The following ALDH9A1 variants were observed in gnomAD, a reference collection of about 807,000 sequenced individuals.
ALDH9A1 encodes the protein 4-trimethylaminobutyraldehyde dehydrogenase.
Under a neutral mutation model 56.6 loss-of-function variants are expected in ALDH9A1, and 42 were observed. The ratio of observed to expected loss-of-function variants is 0.74; its 90% confidence interval spans 0.58 to 0.96. ALDH9A1 has a LOEUF of 0.96. Among genes scored for constraint, ALDH9A1 ranks in the 40% least tolerant of loss-of-function variants. The probability of loss-of-function intolerance (pLI) is 0.00; values close to 1 mark genes in which losing one functional copy is unlikely to be tolerated. For synonymous variants in ALDH9A1, 242 were observed against 236.0 expected (o/e 1.03, Z -0.23); for missense variants, 661 against 651.5 (o/e 1.01, Z -0.16).
In ALDH9A1 at chr1:165,680,539, T is replaced by G. The variant is rs1649515599; in HGVS notation, c.737A>C (p.His246Pro). The G allele has an allele frequency of 6.2e-7, 1 of 1,614,086 alleles. No individual in the cohort carries two copies. Among genetic ancestry groups the G allele is most frequent in the African/African-American group, 1.3e-5 (1 of 74,936 alleles). ...GAAGGAGACTTTGGCCACATCGGGA[T>G]GCTGACACAGAAACTGGCCTGTGGC... is the stretch of plus-strand genomic sequence containing the variant. ...GAATGQFLCQHPDVAKVSFTG... is the reference protein window; with the variant it reads ...GAATGQFLCQPPDVAKVSFTG... Residue 246 changes from histidine (H) to proline (P), a missense_variant, in exon 5 of 11, where the codon CAT becomes CCT. By Grantham distance (77) the His-to-Pro change is moderately conservative. Transcript: ENST00000354775.
chr1:165,693,954 C>G (rs1252736251), intron 2 of ALDH9A1, among the ~76,000 whole-genome samples: 7 of 151,202 alleles, frequency 4.6e-5, no homozygotes, highest in Admixed American at 3.3e-4. Flanking sequence ...TCTGAGCAAA[C>G]TATCACAAGG....
At chr1:165,678,012 G>T (rs867912743) in intron 6 of ALDH9A1, among the ~76,000 whole-genome samples, 2 of 152,050 alleles carry the variant, frequency 1.3e-5, no homozygotes, top group South Asian at 4.1e-4. Context: ...TCCAGCCTGG[G>T]TGACAGAGTG....
At chr1:165,692,400 A>G (rs1462724115) in intron 2 of ALDH9A1, among the ~76,000 whole-genome samples, 1 of 152,244 alleles carries the variant, frequency 6.6e-6, no homozygotes, top group Non-Finnish European at 1.5e-5. Flanking sequence ...AAAAATCACA[A>G]GCATTCCTAT....
chr1:165,672,102 C>A (rs981186448), intron 6 of ALDH9A1, among the ~76,000 whole-genome samples: 2 of 152,206 alleles, frequency 1.3e-5, no homozygotes, highest in Non-Finnish European at 2.9e-5. Context: ...TCCACTTATT[C>A]CACTTCTGGA....
rs536147760 is a variant in ALDH9A1, at chr1:165,670,061, A to T, written c.931-611T>A. Among the ~76,000 whole-genome samples the T allele has an allele frequency of 2.6e-5, 4 of 152,376 alleles. No individual in the cohort carries two copies. The South Asian group carries it at 8.3e-4, about 32-fold the overall frequency. On this transcript the variant is annotated intron_variant, in intron 6 of 10. Coordinates refer to ENST00000354775, the MANE Select transcript of ALDH9A1 (RefSeq NM_000696.4). ...AATGGTGCTAGAACAAATCATCAGTAATGTGGAAAACATAAAATAAGATAC... is the reference window on the plus strand; with the variant it reads ...AATGGTGCTAGAACAAATCATCAGTTATGTGGAAAACATAAAATAAGATAC...
At chr1:165,689,626 C>A (rs1247377124) in intron 2 of ALDH9A1, among the ~76,000 whole-genome samples, 1 of 152,150 alleles carries the variant, frequency 6.6e-6, no homozygotes, top group East Asian at 1.9e-4. Flanking sequence ...ACCGTGGTGA[C>A]CGGTGCTTTG....
chr1:165,664,410 T>C (rs868293941), intron 10 of ALDH9A1, among the ~76,000 whole-genome samples: 13 of 152,356 alleles, frequency 8.5e-5, no homozygotes, highest in Middle Eastern at 6.8e-3. Context: ...TCTCCTGATA[T>C]ACCAGACTTA....
rs140951994 is a variant in ALDH9A1 at position 165,681,340 on chromosome 1, C to T, written c.593-657G>A. Among the ~76,000 whole-genome samples, 3 of 152,280 alleles carry T rather than the reference C, an allele frequency of 2.0e-5. 1 individual carries two copies. Among genetic ancestry groups the T allele is most frequent in the South Asian group, 4.1e-4 (2 of 4,822 alleles). On this transcript the variant is annotated intron_variant, in intron 4 of 10. Coordinates refer to ENST00000354775, the MANE Select transcript of ALDH9A1 (RefSeq NM_000696.4). ...AGTATGAAGTAGGTATCATTAGCTC[C>T]ATTTTATAAAAGTTGACATTGAAGA...
chr1:165,696,346 A>C (rs1650083421), intron 1 of ALDH9A1, among the ~76,000 whole-genome samples: 1 of 152,208 alleles, frequency 6.6e-6, no homozygotes, highest in South Asian at 2.1e-4. Context: ...TACTAACATT[A>C]ACTTCTGATT....
intron 3 of ALDH9A1, among the ~76,000 whole-genome samples, chr1:165,682,532 A>G (rs1571177564): frequency 6.6e-6 from 1 of 152,338 alleles, no homozygotes; most frequent in South Asian, 2.1e-4. Context: ...CTTAGATGAA[A>G]CAAAATGGAA....
At chr1:165,686,647 G>A (rs1024433328) in intron 2 of ALDH9A1, among the ~76,000 whole-genome samples, 1 of 151,986 alleles carries the variant, frequency 6.6e-6, no homozygotes, top group African/African-American at 2.4e-5. Context: ...ATAACATGGC[G>A]AAATTTGCTG....
rs1236855357 is a variant in ALDH9A1, at chr1:165,669,749, C to T, written c.931-299G>A. On this transcript the variant is annotated intron_variant, in intron 6 of 10. Transcript: ENST00000354775. ...CATATAACCCACAGCACCTCTCCTA[C>T]TTCCTCATATCAGGGCTCAATCTGG... Among the ~76,000 whole-genome samples, 16 of 152,152 alleles carry T rather than the reference C, an allele frequency of 1.1e-4. No individual in the cohort carries two copies. In the South Asian group the frequency reaches 1.5e-3, roughly 14 times the overall value.
chr1:165,690,399 T>C (rs1649851007), intron 2 of ALDH9A1, among the ~76,000 whole-genome samples: 2 of 152,080 alleles, frequency 1.3e-5, no homozygotes, highest in Admixed American at 1.3e-4. Context: ...AATGAACATC[T>C]GGTACTTCTG....
intron 6 of ALDH9A1, among the ~76,000 whole-genome samples, chr1:165,677,112 C>T (rs1197654821): frequency 6.6e-6 from 1 of 152,186 alleles, no homozygotes; most frequent in Non-Finnish European, 1.5e-5. Flanking sequence ...GTGGCACATG[C>T]CTGCAATCCC....
At chr1:165,697,134 T>G (rs1035895140) in intron 1 of ALDH9A1, among the ~76,000 whole-genome samples, 7 of 152,208 alleles carry the variant, frequency 4.6e-5, no homozygotes, top group African/African-American at 1.4e-4. Context: ...AAAAGCCCCT[T>G]CTTCCTTATC....
chr1:165,670,727 G>T (rs1198577397), intron 6 of ALDH9A1, among the ~76,000 whole-genome samples: 2 of 152,104 alleles, frequency 1.3e-5, no homozygotes, highest in African/African-American at 4.8e-5. Context: ...TACCAAAAAT[G>T]TGAATTTTAT....
intron 8 of ALDH9A1, among the ~76,000 whole-genome samples, chr1:165,668,045 G>T (rs187060893): frequency 4.6e-5 from 7 of 152,296 alleles, no homozygotes; most frequent in Admixed American, 1.3e-4. Context: ...AAGTAGATGG[G>T]TGGGAGTAGG....
intron 2 of ALDH9A1, 23 bp downstream of exon 2, chr1:165,695,227 TGG>T (rs747358913): frequency 6.3e-7 from 1 of 1,578,566 alleles, no homozygotes; most frequent in South Asian, 1.2e-5. Flanking sequence ...GTCTGAGTTC[TGG>T]AAGGAAATAA....
intron 6 of ALDH9A1, among the ~76,000 whole-genome samples, chr1:165,675,261 CTCTA>C (rs1050528127): frequency 1.6e-4 from 24 of 151,418 alleles, no homozygotes; most frequent in African/African-American, 4.6e-4. Context: ...CTCTCTCTCT[CTCTA>C]TATATATATA....
Sources: gnomAD v4.1 joint callset for allele counts (sites outside exome capture counted in the v4.1 genomes callset) on GRCh38, gnomAD v4.1.1 for gene constraint, MANE v1.5 for transcripts, NCBI Gene and HGNC (gene_info 2026-07-23, HGNC 2026-07-21) for gene names.